Variants in EFTUD2 observed in about 807,000 individuals in gnomAD.
EFTUD2 encodes the protein elongation factor Tu GTP binding domain containing 2.
In EFTUD2, 9 loss-of-function variants were observed where a neutral mutation model predicts 114.3. The observed-to-expected ratio is 0.08, with a 90% CI of 0.05 to 0.14. The LOEUF is 0.14. Ranked by LOEUF, EFTUD2 falls within the 10% of genes least tolerant of loss-of-function variation. The pLI, the probability that EFTUD2 is intolerant of heterozygous loss-of-function variation, is 1.00. For synonymous variants in EFTUD2, 449 were observed against 462.3 expected (o/e 0.97, Z 0.37); for missense variants, 765 against 1,241.2 (o/e 0.62, Z 5.76).
At chr17:44,864,530 G>A (rs1196628420) in intron 14 of EFTUD2, among the ~76,000 whole-genome samples, 1 of 152,176 alleles carries the variant, frequency 6.6e-6, no homozygotes, top group African/African-American at 2.4e-5. Flanking sequence ...CCAGTCCAGT[G>A]TCTTTCTGCT....
intron 20 of EFTUD2, among the ~76,000 whole-genome samples, chr17:44,856,387 A>G (rs2050554412): frequency 6.6e-6 from 1 of 151,808 alleles, no homozygotes. Flanking sequence ...AAAATTAGCC[A>G]GGTGTGGTGG....
At chr17:44,862,486 G>A (rs867815426) in intron 16 of EFTUD2, among the ~76,000 whole-genome samples, 2 of 152,100 alleles carry the variant, frequency 1.3e-5, no homozygotes, top group Non-Finnish European at 2.9e-5. Context: ...CACCCAAAGT[G>A]CAAAGGCGAA....
intron 2 of EFTUD2, 36 bp from the exon 3 acceptor site, chr17:44,886,786 A>G (rs1462028025): frequency 6.3e-7 from 1 of 1,588,302 alleles, no homozygotes. Context: ...TCGAAGAGGC[A>G]CACGCTTTTC....
At chr17:44,882,719 G>C (rs1221686123) in intron 6 of EFTUD2, among the ~76,000 whole-genome samples, 3 of 152,192 alleles carry the variant, frequency 2.0e-5, no homozygotes, top group Non-Finnish European at 2.9e-5. Context: ...GAGACTTGCA[G>C]ACACAGTTGG....
At chr17:44,889,358 T>A (rs1016217462) in intron 2 of EFTUD2, among the ~76,000 whole-genome samples, 1 of 152,082 alleles carries the variant, frequency 6.6e-6, no homozygotes, top group Non-Finnish European at 1.5e-5. Context: ...ATGTGCTGCA[T>A]TGGAAAGCAG....
chr17:44,893,429 T>C (rs1049947264), intron 2 of EFTUD2, among the ~76,000 whole-genome samples: 11 of 152,128 alleles, frequency 7.2e-5, no homozygotes, highest in African/African-American at 2.7e-4. Flanking sequence ...GCCCTTTCTA[T>C]TGCTTTTATG....
At chr17:44,898,576 C>T (rs915204721) in intron 1 of EFTUD2, among the ~76,000 whole-genome samples, 5 of 152,224 alleles carry the variant, frequency 3.3e-5, no homozygotes, top group African/African-American at 9.6e-5. Context: ...TCATTTCTGC[C>T]TCAGGGCCAC....
At position 44,854,389 on chromosome 17, in the gene EFTUD2, G is replaced by A. The variant is rs747629606; in HGVS notation, c.2260-33C>T. On this transcript the variant is annotated intron_variant, in intron 22 of 27. Coordinates refer to ENST00000426333, the MANE Select transcript of EFTUD2 (RefSeq NM_004247.4). This position sits in a 1 kb window ranked among gnomAD's most constrained non-coding sequence, Gnocchi z 4.3. ...GAAACATGAGGCCTCCTTAGCAGTC[G>A]CCCTGGCAACGGCTGAAGCATTTAG... 29 of 1,604,882 alleles carry A rather than the reference G, an allele frequency of 1.8e-5. No individual in the cohort carries two copies. Among genetic ancestry groups the A allele is most frequent in the Non-Finnish European group, 2.4e-5 (28 of 1,174,868 alleles).
In EFTUD2 at chr17:44,894,435, C is replaced by A; in HGVS notation, c.87G>T (p.Glu29Asp). The A allele has an allele frequency of 6.2e-7, 1 of 1,613,318 alleles. No homozygotes were observed. The highest frequency in any genetic ancestry group is 2.2e-5 in the East Asian group (1 of 44,886). Residue 29 changes from glutamate (E) to aspartate (D), a missense_variant, in exon 2 of 28, where the codon GAG becomes GAT. By Grantham distance (45) the Glu-to-Asp change is conservative. Coordinates refer to ENST00000426333, the MANE Select transcript of EFTUD2 (RefSeq NM_004247.4). ...SDEDDDELGR[E>D]TKDLDEMDDD... ...GTTTTACCTCATCAAGATCTTTGGT[C>A]TCTCTACCCAATTCATCATCATCTT...
rs1485517488 is a variant in EFTUD2 at position 44,880,603 on chromosome 17, C to T, written c.570G>A (p.Leu190=). 9.3e-6 allele frequency: 15 copies of T among 1,613,688 alleles called. No homozygotes were observed. In the East Asian group the frequency reaches 3.1e-4, roughly 34 times the overall value. Residue 190 remains leucine, a synonymous_variant, in exon 8 of 28, where the codon TTG becomes TTA. Transcript: ENST00000426333. ...GATAAGATTTTCCTTTGGTGTCTGG[C>T]AAGACCACTGTCACAGGAGTGCTTT... ...GIKSTPVTVV[L]PDTKGKSYLF...
chr17:44,872,863 T>C (rs533310639), intron 10 of EFTUD2: 1 of 179,642 alleles, frequency 5.6e-6, no homozygotes, highest in African/African-American at 2.4e-5. Flanking sequence ...ACAAAAACCT[T>C]AGAACACAGG....
chr17:44,853,952 T>A, intron 23 of EFTUD2: 1 of 1,357,028 alleles, frequency 7.4e-7, no homozygotes. Flanking sequence ...ATTTGGTCCA[T>A]GAAGCCCAAT....
At chr17:44,884,936 A>G (rs745428900) in intron 4 of EFTUD2, among the ~76,000 whole-genome samples, 14 of 152,170 alleles carry the variant, frequency 9.2e-5, no homozygotes, top group Non-Finnish European at 2.1e-4. Flanking sequence ...TTCCTAAAAT[A>G]CTCAGCAGTC....
At chr17:44,857,483 A>AT in intron 19 of EFTUD2, 1 of 312,480 alleles carries the variant, frequency 3.2e-6, no homozygotes, top group South Asian at 3.0e-5. Context: ...AACAACCCCC[A>AT]TGGGTCTGAC....
chr17:44,855,798 A>T (rs967067508), intron 20 of EFTUD2, among the ~76,000 whole-genome samples: 4 of 151,482 alleles, frequency 2.6e-5, no homozygotes, highest in Non-Finnish European at 4.4e-5. Context: ...AAAATACAAA[A>T]ATTAGCTGGG....
chr17:44,876,714 G>T (rs1049366260), intron 9 of EFTUD2, among the ~76,000 whole-genome samples: 3 of 151,916 alleles, frequency 2.0e-5, no homozygotes, highest in African/African-American at 7.3e-5. Context: ...TGAGCTGGGC[G>T]TGGTGGCAGG....
At chr17:44,864,333 C>T (rs1022319820) in intron 14 of EFTUD2, among the ~76,000 whole-genome samples, 1 of 152,096 alleles carries the variant, frequency 6.6e-6, no homozygotes, top group African/African-American at 2.4e-5. Flanking sequence ...ACCTTGGGGG[C>T]CCAGACACCT....
intron 10 of EFTUD2, among the ~76,000 whole-genome samples, chr17:44,874,007 T>A (rs2050902471): frequency 6.6e-6 from 1 of 151,166 alleles, no homozygotes; most frequent in South Asian, 2.1e-4. Context: ...GTGCTGAGAT[T>A]ACAGGCGTGA....
At chr17:44,889,715 G>A (rs938148529) in intron 2 of EFTUD2, among the ~76,000 whole-genome samples, 6 of 152,130 alleles carry the variant, frequency 3.9e-5, no homozygotes, top group Admixed American at 2.0e-4. Context: ...CCCTCCAGTG[G>A]TGAGACCGGC....
Sources: gnomAD v4.1 joint callset for allele counts (sites outside exome capture counted in the v4.1 genomes callset) on GRCh38, gnomAD v4.1.1 for gene constraint, Gnocchi (gnomAD v3.1) non-coding constraint, MANE v1.5 for transcripts, NCBI Gene and HGNC (gene_info 2026-07-23, HGNC 2026-07-21) for gene names.